PLXDC2: variants seen among roughly 807,000 people sequenced by gnomAD.
PLXDC2 encodes the protein plexin domain-containing protein 2.
A neutral mutation model predicts 68.9 loss-of-function variants in PLXDC2; 40 were observed. The ratio of observed to expected loss-of-function variants is 0.58; its 90% CI spans 0.45 to 0.76. PLXDC2 has a LOEUF of 0.76. PLXDC2 is among the 30% of genes least tolerant of loss of function. The pLI is 0.00. For missense variants in PLXDC2, 644 were observed against 661.9 expected, an observed-to-expected ratio of 0.97 and a Z score of 0.30; for synonymous variants, 243 against 234.2, an observed-to-expected ratio of 1.04 and a Z score of -0.34.
intron 1 of PLXDC2, among the ~76,000 whole-genome samples, chr10:19,963,569 C>T (rs1834196989): frequency 6.6e-6 from 1 of 152,124 alleles, no homozygotes; most frequent in Non-Finnish European, 1.5e-5. Flanking sequence ...CCATCATTCT[C>T]AGCAAACTAT....
intron 9 of PLXDC2, among the ~76,000 whole-genome samples, chr10:20,204,047 G>C (rs1468629063): frequency 6.6e-6 from 1 of 152,068 alleles, no homozygotes; most frequent in Non-Finnish European, 1.5e-5. Flanking sequence ...CATTCCCAGA[G>C]CAGTATATAA....
At chr10:20,146,441 T>G (rs2131795901) in intron 5 of PLXDC2, among the ~76,000 whole-genome samples, 1 of 150,302 alleles carries the variant, frequency 6.7e-6, no homozygotes, top group African/African-American at 2.4e-5. Flanking sequence ...TTTTCTTTCT[T>G]TCTTCCTTTC....
At chr10:20,131,050 T>A (rs952893674) in intron 4 of PLXDC2, among the ~76,000 whole-genome samples, 9 of 152,172 alleles carry the variant, frequency 5.9e-5, no homozygotes, top group African/African-American at 2.2e-4. Context: ...TTAAGTAGTA[T>A]TGGTGTTAAA....
chr10:19,977,959 C>T (rs1427218179), intron 1 of PLXDC2, among the ~76,000 whole-genome samples: 1 of 152,130 alleles, frequency 6.6e-6, no homozygotes, highest in Non-Finnish European at 1.5e-5. Context: ...TTACCCTTTC[C>T]AGATAATATG....
At chr10:19,985,883 G>A (rs1216892433) in intron 1 of PLXDC2, among the ~76,000 whole-genome samples, 1 of 152,146 alleles carries the variant, frequency 6.6e-6, no homozygotes, top group Non-Finnish European at 1.5e-5. Flanking sequence ...GCAAGGCCCT[G>A]GGGGATACGG....
At chr10:19,987,255 C>CT (rs1834656949) in intron 1 of PLXDC2, among the ~76,000 whole-genome samples, 1 of 152,180 alleles carries the variant, frequency 6.6e-6, no homozygotes, top group Non-Finnish European at 1.5e-5. Context: ...GAGGTTCCCT[C>CT]TGCTTTAACC....
intron 1 of PLXDC2, among the ~76,000 whole-genome samples, chr10:19,878,155 T>C (rs78704273): frequency 6.6e-6 from 1 of 150,868 alleles, no homozygotes; most frequent in Non-Finnish European, 1.5e-5. Flanking sequence ...AATATAAATA[T>C]TTGGAAAATA....
intron 6 of PLXDC2, among the ~76,000 whole-genome samples, chr10:20,163,012 C>T (rs935903505): frequency 8.0e-5 from 12 of 150,746 alleles, no homozygotes; most frequent in African/African-American, 9.8e-5. Flanking sequence ...ACCCGGGAGG[C>T]GGAGGTTGCA....
chr10:20,043,647 T>C (rs970693004), intron 2 of PLXDC2, among the ~76,000 whole-genome samples: 6 of 152,130 alleles, frequency 3.9e-5, no homozygotes, highest in African/African-American at 9.7e-5. Context: ...AAATCTGTTA[T>C]GTAATTCACC....
At chr10:20,138,382 A>C (rs1280925067) in intron 4 of PLXDC2, among the ~76,000 whole-genome samples, 1 of 152,176 alleles carries the variant, frequency 6.6e-6, no homozygotes, top group African/African-American at 2.4e-5. Flanking sequence ...CCTCAAGAGA[A>C]GTAAAAATAA....
chr10:19,881,775 T>C (rs1837732410), intron 1 of PLXDC2, among the ~76,000 whole-genome samples: 1 of 152,224 alleles, frequency 6.6e-6, no homozygotes, highest in Admixed American at 6.5e-5. Context: ...TCTGATAACT[T>C]CTCCAGTTTC....
At chr10:19,981,356 A>G (rs916641178) in intron 1 of PLXDC2, among the ~76,000 whole-genome samples, 2 of 152,228 alleles carry the variant, frequency 1.3e-5, no homozygotes, top group Non-Finnish European at 2.9e-5. Flanking sequence ...ACAGATGAAG[A>G]AACTGAGGCC....
At chr10:20,204,389 T>C (rs1834961976) in intron 9 of PLXDC2, among the ~76,000 whole-genome samples, 1 of 152,168 alleles carries the variant, frequency 6.6e-6, no homozygotes, top group African/African-American at 2.4e-5. Flanking sequence ...TCACTGCTGT[T>C]TATCATCTCA....
intron 6 of PLXDC2, among the ~76,000 whole-genome samples, chr10:20,149,396 G>A (rs1387020580): frequency 7.9e-5 from 12 of 151,558 alleles, no homozygotes; most frequent in Admixed American, 6.6e-4. Context: ...GCACCACCAT[G>A]CCCAGCTAAT....
At chr10:19,894,125 C>A (rs1364335957) in intron 1 of PLXDC2, among the ~76,000 whole-genome samples, 2 of 152,124 alleles carry the variant, frequency 1.3e-5, no homozygotes, top group African/African-American at 4.8e-5. Context: ...CTGTGAGAAA[C>A]CTTCTGAATC....
intron 1 of PLXDC2, among the ~76,000 whole-genome samples, chr10:20,000,584 A>G (rs1194348915): frequency 6.6e-6 from 1 of 152,206 alleles, no homozygotes; most frequent in Non-Finnish European, 1.5e-5. Flanking sequence ...TGTGAAACCA[A>G]ATAATATCCT....
chr10:19,899,333 T>C (rs1838120182), intron 1 of PLXDC2, among the ~76,000 whole-genome samples: 1 of 152,170 alleles, frequency 6.6e-6, no homozygotes, highest in Non-Finnish European at 1.5e-5. Flanking sequence ...TAAGGTCCGA[T>C]TTCTTTCCCA....
At chr10:19,898,541 G>A (rs1252436782) in intron 1 of PLXDC2, among the ~76,000 whole-genome samples, 4 of 152,074 alleles carry the variant, frequency 2.6e-5, no homozygotes, top group Admixed American at 6.6e-5. Flanking sequence ...AGTCTGGTGA[G>A]CCTAGCTGGT....
intron 1 of PLXDC2, among the ~76,000 whole-genome samples, chr10:19,962,384 CTTTTT>C (rs562410398): frequency 2.7e-3 from 75 of 27,732 alleles, no homozygotes; most frequent in African/African-American, 5.0e-3. Flanking sequence ...CCCATCTTTA[CTTTTT>C]TTTTTTTTTT....
Sources: gnomAD v4.1 joint callset for allele counts (sites outside exome capture counted in the v4.1 genomes callset) on GRCh38, gnomAD v4.1.1 for gene constraint, MANE v1.5 for transcripts, NCBI Gene and HGNC (gene_info 2026-07-23, HGNC 2026-07-21) for gene names.